Variants in GLIS3 observed in about 807,000 individuals in gnomAD.
GLIS3 encodes zinc finger protein GLIS3.
In GLIS3, 53 loss-of-function variants were observed where a neutral mutation model predicts 78.6. The ratio of observed to expected loss-of-function variants is 0.67; its 90% confidence interval spans 0.54 to 0.85. GLIS3 has a LOEUF of 0.85. Among genes scored for constraint, GLIS3 ranks in the 40% least tolerant of loss-of-function variants. The pLI is 0.00. For missense variants in GLIS3, 1,703 were observed against 1,231.1 expected, an observed-to-expected ratio of 1.38 and a Z score of -5.74; for synonymous variants, 684 against 509.9, an observed-to-expected ratio of 1.34 and a Z score of -4.60.
chr9:4,422,193 C>T, the GLIS3 span, among the ~76,000 whole-genome samples: 1 of 152,184 alleles, frequency 6.6e-6, no homozygotes, highest in Non-Finnish European at 1.5e-5. Context: ...TGTATTTCAA[C>T]ACTTTGATGA....
At chr9:4,242,813 G>T (rs1366656728) in intron 2 of GLIS3, among the ~76,000 whole-genome samples, 2 of 151,962 alleles carry the variant, frequency 1.3e-5, no homozygotes, top group Admixed American at 1.3e-4. Flanking sequence ...GGCTGAAATA[G>T]TATTTTAGAT....
rs1819769261 is a variant in GLIS3, at chr9:3,856,101, G to C, written c.2381C>G (p.Pro794Arg). 1 of 1,614,200 alleles carries C rather than the reference G, an allele frequency of 6.2e-7. No individual in the cohort carries two copies. The change falls in exon 9 of 11, where the codon CCT (proline) becomes CGT (arginine). Residue 794 changes from proline (P) to arginine (R), a missense_variant. Physicochemically the swap from Pro to Arg is moderately radical, Grantham distance 103. Transcript: ENST00000381971. Reference sequence around the variant, plus strand: ...ACCTGATGGCTGCTGGGTATAGGGAGGCTGTGTTCTTTGCAGTATTGAAGA... The same window carrying C: ...ACCTGATGGCTGCTGGGTATAGGGACGCTGTGTTCTTTGCAGTATTGAAGA... ...APSSILQRTQ[P>R]PYTQQPSGSH... is the part of the protein sequence containing the mutation.
chr9:4,411,064 A>T, the GLIS3 span, among the ~76,000 whole-genome samples: 1 of 152,208 alleles, frequency 6.6e-6, no homozygotes, highest in Non-Finnish European at 1.5e-5. Context: ...CAAAATGATA[A>T]AACTATTACA....
intron 6 of GLIS3, among the ~76,000 whole-genome samples, chr9:3,926,525 C>G (rs750578400): frequency 6.7e-6 from 1 of 149,912 alleles, no homozygotes; most frequent in Non-Finnish European, 1.5e-5. Context: ...CCACCGCACG[C>G]GGCCTGCAAT....
chr9:3,907,815 G>A (rs539837830), intron 6 of GLIS3, among the ~76,000 whole-genome samples: 4 of 152,190 alleles, frequency 2.6e-5, no homozygotes, highest in Admixed American at 1.3e-4. Context: ...TTGCAAGTGC[G>A]TCCTTCATAA....
intron 4 of GLIS3, among the ~76,000 whole-genome samples, chr9:4,086,980 T>G (rs1245847667): frequency 6.6e-6 from 1 of 152,192 alleles, no homozygotes; most frequent in Non-Finnish European, 1.5e-5. Context: ...CACCTCTGCA[T>G]CCTCTACAAA....
the GLIS3 span, among the ~76,000 whole-genome samples, chr9:4,450,568 G>A: frequency 2.0e-5 from 3 of 152,132 alleles, no homozygotes; most frequent in African/African-American, 7.2e-5. Context: ...AGGTTAAAAT[G>A]AAGGAAAAAA....
At chr9:4,029,773 A>T (rs1009666281) in intron 4 of GLIS3, among the ~76,000 whole-genome samples, 6 of 152,218 alleles carry the variant, frequency 3.9e-5, no homozygotes, top group African/African-American at 1.4e-4. Context: ...ATGTTGATGC[A>T]AATGACTGGA....
chr9:4,358,034 TAAG>T, the GLIS3 span, among the ~76,000 whole-genome samples: 15 of 152,194 alleles, frequency 9.9e-5, no homozygotes, highest in African/African-American at 2.9e-4. Context: ...TATGATCTAA[TAAG>T]AACAGATGCC....
chr9:4,357,143 G>A, the GLIS3 span, among the ~76,000 whole-genome samples: 1 of 152,096 alleles, frequency 6.6e-6, no homozygotes, highest in East Asian at 1.9e-4. Context: ...AAATCTTTGG[G>A]GAATAACCCT....
At chr9:4,286,675 C>T (rs534906270) in intron 1 of GLIS3, among the ~76,000 whole-genome samples, 152 bp from the exon 2 acceptor site, 1 of 152,300 alleles carries the variant, frequency 6.6e-6, no homozygotes, top group Admixed American at 6.5e-5. Context: ...AAATACACGG[C>T]TCATTGGCAG....
intron 1 of GLIS3, among the ~76,000 whole-genome samples, chr9:4,292,233 G>C (rs779238208): frequency 1.3e-5 from 2 of 152,130 alleles, no homozygotes; most frequent in Non-Finnish European, 2.9e-5. Context: ...AACGGAGAAA[G>C]CATTATTTAA....
intron 2 of GLIS3, among the ~76,000 whole-genome samples, chr9:4,318,685 T>C (rs1817475392): frequency 6.6e-6 from 1 of 152,108 alleles, no homozygotes; most frequent in Admixed American, 6.5e-5. Flanking sequence ...TACAGTGAAA[T>C]ACTAACAAAC....
chr9:3,943,623 C>T (rs890862777), intron 4 of GLIS3, among the ~76,000 whole-genome samples: 4 of 152,230 alleles, frequency 2.6e-5, no homozygotes, highest in African/African-American at 9.6e-5. Flanking sequence ...GTAACCCAAA[C>T]TGAGTTTCCA....
Position 4,237,093 on chromosome 9 carries a change from A to C in GLIS3, c.388+48945T>G, listed in dbSNP as rs143272053. 3.7e-4 allele frequency among the ~76,000 whole-genome samples: 46 copies of C among 124,906 alleles called. No homozygotes were observed. In the East Asian group the frequency reaches 9.7e-3, roughly 26 times the overall value. 81.9% of individuals were successfully genotyped at this position (124,906 alleles called of 152,430 possible). A position where few individuals can be genotyped will look rare whatever the true frequency, so the allele number is the denominator to read the frequency against. On this transcript the variant is annotated intron_variant, in intron 2 of 10. Transcript: ENST00000381971. ...AGCAATTTAGCAATAAGTATAAAGAATCACCAACATGTTCACTTCCTTCAC... is the reference window on the plus strand; with the variant it reads ...AGCAATTTAGCAATAAGTATAAAGACTCACCAACATGTTCACTTCCTTCAC...
At chr9:4,126,876 A>G (rs1832619990) in intron 2 of GLIS3, among the ~76,000 whole-genome samples, 1 of 152,184 alleles carries the variant, frequency 6.6e-6, no homozygotes, top group African/African-American at 2.4e-5. Context: ...TCTTTAACAA[A>G]TTAAGCTTTA....
chr9:3,877,241 A>G (rs182213549), intron 8 of GLIS3, among the ~76,000 whole-genome samples: 116 of 149,258 alleles, frequency 7.8e-4, no homozygotes, highest in Middle Eastern at 3.4e-3. Flanking sequence ...ACTATATAAA[A>G]TGCATTTTTT....
intron 2 of GLIS3, among the ~76,000 whole-genome samples, chr9:4,187,488 T>C (rs1305752409): frequency 6.6e-6 from 1 of 152,206 alleles, no homozygotes; most frequent in African/African-American, 2.4e-5. Context: ...GGCTCTTTTT[T>C]GGTTCCATAT....
chr9:4,279,456 CAAT>C (rs947478704), intron 2 of GLIS3, among the ~76,000 whole-genome samples: 4 of 142,264 alleles, frequency 2.8e-5, no homozygotes, highest in South Asian at 2.2e-4. Context: ...AGAAAAAAAA[CAAT>C]AATATCAACA....
Sources: allele counts gnomAD v4.1 joint callset (sites outside exome capture counted in the v4.1 genomes callset), GRCh38; gene constraint gnomAD v4.1.1; transcripts MANE v1.5; gene names NCBI Gene and HGNC (gene_info 2026-07-23, HGNC 2026-07-21).